Variants in ZNF630 observed in about 807,000 individuals in gnomAD.
ZNF630 encodes zinc finger protein 630, also known as dJ54B20.2 (novel KRAB box containing C2H2 type zinc finger protein).
In ZNF630, 5 loss-of-function variants were observed where a neutral mutation model predicts 7.2. The observed-to-expected ratio is 0.70, with a 90% CI of 0.36 to 1.46. The LOEUF (loss-of-function observed/expected upper bound fraction) is 1.46. Ranked by LOEUF, ZNF630 falls within the 40% of genes most tolerant of loss-of-function variation. The pLI, the probability that ZNF630 is intolerant of heterozygous loss-of-function variation, is 0.03. For missense variants in ZNF630, 461 were observed against 477.0 expected (o/e 0.97, Z 0.31); for synonymous variants, 158 against 162.8 (o/e 0.97, Z 0.23).
In ZNF630 at chrX:48,058,378, C is replaced by G; in HGVS notation, c.*90G>C. ...ATACTGAGGAACATATTAGTCTATT[C>G]TACAGTTGAGAAGTTGTCACTATTT... On this transcript the variant is annotated 3_prime_UTR_variant, in exon 5 of 5. Coordinates refer to ENST00000276054, the MANE Select transcript of ZNF630 (RefSeq NM_001282201.2). 2 of 919,120 alleles carry G rather than the reference C, an allele frequency of 2.2e-6. No homozygotes were observed. The highest frequency in any genetic ancestry group is 3.0e-6 in the Non-Finnish European group (2 of 675,959). 75.7% of individuals were successfully genotyped at this position (919,120 alleles called of 1,213,427 possible).
intron 1 of ZNF630, among the ~76,000 whole-genome samples, chrX:48,068,210 AAAG>A (rs2059141642): frequency 1.7e-5 from 1 of 59,958 alleles, no homozygotes; most frequent in African/African-American, 5.3e-5. Flanking sequence ...AAAGAAAAGA[AAAG>A]AAAAGAAAAA....
Position 48,059,803 on chromosome X carries a change from A to G in ZNF630, c.639T>C (p.Pro213=). ...GCACAGAACAGGAAGCATTATACTT[A>G]GGTGGTCTCCCACATCTAAATCTCT... is the stretch of plus-strand genomic sequence containing the variant. The part of the protein sequence containing the change: ...PTKRFRCGRP[P]KYNASCSVPE... The change falls in exon 5 of 5, where the codon CCT becomes CCC. Residue 213 remains proline, a synonymous_variant. Coordinates refer to ENST00000276054, the MANE Select transcript of ZNF630 (RefSeq NM_001282201.2). The G allele has an allele frequency of 8.3e-7, 1 of 1,208,740 alleles. No individual in the cohort carries two copies. The highest frequency in any genetic ancestry group is 1.1e-6 in the Non-Finnish European group (1 of 893,330).
Position 48,059,050 on chromosome X carries a change from AC to A in ZNF630, c.1391del (p.Cys464LeufsTer71), listed in dbSNP as rs1484840174. ...GTGACTTCTGGGAAAAGGCCTTCCC[AC>A]AGTCAGTACACACATAAGGTTTTTC... ...TGEKPYVCTD[C>X]GKAFSQKSHL... On this transcript the variant is annotated frameshift_variant, in exon 5 of 5. Transcript: ENST00000276054. LOFTEE classifies it low-confidence loss of function (END_TRUNC). 11 of 1,206,794 alleles carry A rather than the reference AC, an allele frequency of 9.1e-6. No homozygotes were observed. Among genetic ancestry groups the A allele is most frequent in the Non-Finnish European group, 1.2e-5 (11 of 892,915 alleles).
At chrX:48,063,893 A>T (rs988531366) in intron 2 of ZNF630, among the ~76,000 whole-genome samples, 6 of 110,617 alleles carry the variant, frequency 5.4e-5, no homozygotes, top group Non-Finnish European at 1.1e-4. Flanking sequence ...GTCTCAAAAA[A>T]ATATATATAT....
intron 2 of ZNF630, among the ~76,000 whole-genome samples, chrX:48,063,960 C>T (rs2059118707): frequency 9.0e-6 from 1 of 111,257 alleles, no homozygotes; most frequent in East Asian, 2.8e-4. Context: ...TGACCTAGCA[C>T]ACTCATGTCT....
intron 1 of ZNF630, among the ~76,000 whole-genome samples, chrX:48,069,532 A>G (rs995619892): frequency 2.7e-5 from 3 of 111,622 alleles, no homozygotes; most frequent in Non-Finnish European, 5.6e-5. Context: ...TCCATGAAAT[A>G]TATACAAAAT....
At chrX:48,069,858 T>TTTTTTTTTTTTTTTTTTTTTTG in intron 1 of ZNF630, among the ~76,000 whole-genome samples, 1 of 101,462 alleles carries the variant, frequency 9.9e-6, no homozygotes, top group South Asian at 4.6e-4. Flanking sequence ...TTTTTTTTGT[T>TTTTTTTTTTTTTTTTTTTTTTG]TTTTGTTTTT....
chrX:48,069,849 T>TG lies in ZNF630; in HGVS notation c.-176+1417_-176+1418insC, dbSNP rs1344094924. On this transcript the variant is annotated intron_variant, in intron 1 of 4. Transcript: ENST00000276054. ...TCCACAGGACATTGTCTGTTTTTTT[T>TG]TTTTTTGTTTTTTGTTTTTTGTTTT... Among the ~76,000 whole-genome samples the TG allele has an allele frequency of 3.5e-3, 219 of 62,566 alleles. 4 individuals carry two copies. Among genetic ancestry groups the TG allele is most frequent in the Admixed American group, 7.0e-3 (30 of 4,291 alleles). The allele number at this position is 62,566 out of a possible 115,157, so 54.3% of individuals were successfully genotyped here.
rs782466007 is a variant in ZNF630 at position 48,060,492 on chromosome X, G to T, written c.196C>A (p.Pro66Thr). The T allele has an allele frequency of 3.6e-5, 43 of 1,204,623 alleles. No individual in the cohort carries two copies. The Admixed American group carries it at 7.3e-4, about 20-fold the overall frequency. ...VIFKLEHGKD[P>T]WIIESELSRW... ...GACAACTCACTCTCTATGATCCATG[G>T]GTCCTTTCCATGTTCCAACTTAAAG... Residue 66 changes from proline (P) to threonine (T), a missense_variant, in exon 4 of 5, where the codon CCA becomes ACA. Pro to Thr is a conservative substitution (Grantham distance 38). Transcript: ENST00000276054.
rs2059084598 is a variant in ZNF630, at chrX:48,058,917, G to T, written c.1525C>A (p.His509Asn). ...CACTGATAAGGTTTCTCCCCTGTATGAATTCTCTGGTGTATGATAAGAGGT... is the reference window on the plus strand; with the variant it reads ...CACTGATAAGGTTTCTCCCCTGTATTAATTCTCTGGTGTATGATAAGAGGT... ...KSPLIIHQRIHTGEKPYQCGE... is the reference protein window; with the variant it reads ...KSPLIIHQRINTGEKPYQCGE... Residue 509 changes from histidine to asparagine, a missense_variant, in exon 5 of 5, where the codon CAT becomes AAT. Coordinates refer to ENST00000276054, the MANE Select transcript of ZNF630 (RefSeq NM_001282201.2). 5.8e-6 allele frequency: 7 copies of T among 1,208,459 alleles called. 1 individual carries two copies. In the East Asian group the frequency reaches 2.1e-4, roughly 36 times the overall value.
At chrX:48,065,111 T>C (rs1316094327) in intron 2 of ZNF630, among the ~76,000 whole-genome samples, 1 of 112,168 alleles carries the variant, frequency 8.9e-6, no homozygotes, top group Non-Finnish European at 1.9e-5. Context: ...TGAATGGTAG[T>C]ATATCTTTTA....
Position 48,058,736 on chromosome X carries a change from T to G in ZNF630, c.1706A>C (p.Lys569Thr), listed in dbSNP as rs375281086. 1.7e-6 allele frequency: 2 copies of G among 1,205,836 alleles called. No individual in the cohort carries two copies. Among genetic ancestry groups the G allele is most frequent in the African/African-American group, 3.5e-5 (2 of 56,755 alleles). The change falls in exon 5 of 5, where the codon AAA becomes ACA. Residue 569 changes from lysine to threonine, a missense_variant. Lys to Thr is a moderately conservative substitution (Grantham distance 78). Transcript: ENST00000276054. Reference protein sequence around the residue: ...ILHQRGHTGEKPYECSECGKA... With the variant: ...ILHQRGHTGETPYECSECGKA... ...TCCACATTCACTACATTCATAGGGT[T>G]TCTCTCCAGTATGACCTCTCTGATG...
rs1556908419 is a variant in ZNF630, at chrX:48,059,022, G to A, written c.1420C>T (p.Leu474Phe). Reference sequence around the variant, plus strand: ...GTATGAAGTCTTTGATGGCCAGTGAGGTGTGACTTCTGGGAAAAGGCCTTC... The same window carrying A: ...GTATGAAGTCTTTGATGGCCAGTGAAGTGTGACTTCTGGGAAAAGGCCTTC... ...CGKAFSQKSH[L>F]TGHQRLHTGE... Residue 474 changes from leucine to phenylalanine, a missense_variant, in exon 5 of 5, where the codon CTC (leucine) becomes TTC (phenylalanine). Leu to Phe is a conservative substitution (Grantham distance 22). Transcript: ENST00000276054. 8.3e-7 allele frequency: 1 copy of A among 1,206,585 alleles called. No homozygotes were observed. The highest frequency in any genetic ancestry group is 1.1e-6 in the Non-Finnish European group (1 of 892,366).
In ZNF630 at chrX:48,071,395, T is replaced by C. The variant is rs1440139876; in HGVS notation, c.-304A>G. 9.0e-6 allele frequency: 1 copy of C among 110,682 alleles called. No individual in the cohort carries two copies. The highest frequency in any genetic ancestry group is 1.9e-5 in the Non-Finnish European group (1 of 52,820). 9.1% of individuals were successfully genotyped at this position (110,682 alleles called of 1,213,427 possible). ...GGTGACGAGGGAGCTTATCTTTCGG[T>C]GGCTCCGAAACAGCCACGAAGCCGA... is the stretch of plus-strand genomic sequence containing the variant. On this transcript the variant is annotated 5_prime_UTR_variant, in exon 1 of 5. Coordinates refer to ENST00000276054, the MANE Select transcript of ZNF630 (RefSeq NM_001282201.2).
At position 48,071,640 on chromosome X, in the gene ZNF630, G is replaced by T. The variant is rs1297004713; in HGVS notation, c.-549C>A. ...AGGGCCGCGACTTGTCCGGGTGAGT[G>T]GGCGTTCCCGGCCACCAGAAGAGGC... On this transcript the variant is annotated 5_prime_UTR_variant, in exon 1 of 5. Transcript: ENST00000276054. The T allele has an allele frequency of 9.0e-6, 1 of 111,430 alleles. No homozygotes were observed. 9.2% of individuals were successfully genotyped at this position (111,430 alleles called of 1,213,427 possible). A position where few individuals can be genotyped will look rare whatever the true frequency, so the allele number is the denominator to read the frequency against.
At position 48,069,954 on chromosome X, in the gene ZNF630, T is replaced by C. The variant is rs182819451; in HGVS notation, c.-176+1313A>G. 6.9e-3 allele frequency among the ~76,000 whole-genome samples: 737 copies of C among 107,445 alleles called. 11 individuals carry two copies. The highest frequency in any genetic ancestry group is 0.024 in the African/African-American group (700 of 29,428). 93.3% of individuals were successfully genotyped at this position (107,445 alleles called of 115,157 possible). ...CTCACTGCAAGCTCCGCCTCCCTGG[T>C]TCACTCCATTCTCCTGCCTCAGCCT... is the stretch of plus-strand genomic sequence containing the variant. On this transcript the variant is annotated intron_variant, in intron 1 of 4. Transcript: ENST00000276054.
At chrX:48,060,756 G>C (rs1327981514) in intron 3 of ZNF630, 63 bp downstream of exon 3, 2 of 1,113,205 alleles carry the variant, frequency 1.8e-6, no homozygotes, top group Non-Finnish European at 2.4e-6. Context: ...TCATGGTATT[G>C]ACAGCACTAA....
In ZNF630 at chrX:48,060,912, A is replaced by T; in HGVS notation, c.49T>A (p.Phe17Ile). ...PVTFEDVAVD[F>I]TQEEWQQLNP... ...AACTGCTGCCACTCTTCCTGCGTGA[A>T]GTCCACAGCCACATCCTCAAATGTC... The change falls in exon 3 of 5, where the codon TTC (phenylalanine) becomes ATC (isoleucine). Residue 17 changes from phenylalanine (F) to isoleucine (I), a missense_variant. Physicochemically the swap from Phe to Ile is conservative, Grantham distance 21 (BLOSUM62 0). Coordinates refer to ENST00000276054, the MANE Select transcript of ZNF630 (RefSeq NM_001282201.2). 1 of 1,205,373 alleles carries T rather than the reference A, an allele frequency of 8.3e-7. No individual in the cohort carries two copies. The highest frequency in any genetic ancestry group is 1.1e-6 in the Non-Finnish European group (1 of 891,232).
chrX:48,058,415 G>A lies in ZNF630; in HGVS notation c.*53C>T, dbSNP rs1361460034. On this transcript the variant is annotated 3_prime_UTR_variant, in exon 5 of 5. Coordinates refer to ENST00000276054, the MANE Select transcript of ZNF630 (RefSeq NM_001282201.2). Reference sequence around the variant, plus strand: ...AGTTGTCACTATTTCTATTCAATGTGAGTTTTCCCATAGACAATGAGGACT... The same window carrying A: ...AGTTGTCACTATTTCTATTCAATGTAAGTTTTCCCATAGACAATGAGGACT... 7.3e-6 allele frequency: 8 copies of A among 1,095,442 alleles called. No individual in the cohort carries two copies. In the African/African-American group the frequency reaches 7.5e-5, roughly 10 times the overall value. 90.3% of individuals were successfully genotyped at this position (1,095,442 alleles called of 1,213,427 possible). A position where few individuals can be genotyped will look rare whatever the true frequency, so the allele number is the denominator to read the frequency against.
Sources: allele counts gnomAD v4.1 joint callset (sites outside exome capture counted in the v4.1 genomes callset), GRCh38; gene constraint gnomAD v4.1.1; transcripts MANE v1.5; gene names NCBI Gene and HGNC (gene_info 2026-07-23, HGNC 2026-07-21).